Variants in TEAD1 observed in about 807,000 individuals in gnomAD.
TEAD1 encodes the protein TEA domain transcription factor 1.
TEAD1 carries 9 observed loss-of-function variants against 54.9 expected under a neutral mutation model. That is an observed-to-expected ratio of 0.16 (90% CI 0.10 to 0.29). The LOEUF (loss-of-function observed/expected upper bound fraction) is 0.29, where lower values mean the gene tolerates loss of function less well. Among genes scored for constraint, TEAD1 ranks in the 10% least tolerant of loss-of-function variants. The probability of loss-of-function intolerance (pLI) is 1.00; values close to 1 mark genes in which losing one functional copy is unlikely to be tolerated. For synonymous variants in TEAD1, 200 were observed against 187.8 expected (o/e 1.07, Z -0.53); for missense variants, 387 against 535.9 (o/e 0.72, Z 2.74).
At chr11:12,701,751 GA>G (rs1182354313) in intron 2 of TEAD1, among the ~76,000 whole-genome samples, 1 of 152,176 alleles carries the variant, frequency 6.6e-6, no homozygotes, top group Non-Finnish European at 1.5e-5. Context: ...GGGCTCACCA[GA>G]TAAGAGACTT....
At chr11:12,838,373 A>G (rs1026417017) in intron 3 of TEAD1, among the ~76,000 whole-genome samples, 3 of 152,212 alleles carry the variant, frequency 2.0e-5, no homozygotes, top group East Asian at 1.9e-4. Context: ...GAGAAAACCA[A>G]CCTTTACTTT....
At chr11:12,706,385 G>A (rs1943815340) in intron 2 of TEAD1, among the ~76,000 whole-genome samples, 1 of 152,110 alleles carries the variant, frequency 6.6e-6, no homozygotes, top group Non-Finnish European at 1.5e-5. Context: ...GGTTAAATAG[G>A]TACCATTTGC....
chr11:12,822,225 G>A (rs1286392424), intron 3 of TEAD1, among the ~76,000 whole-genome samples: 1 of 152,184 alleles, frequency 6.6e-6, no homozygotes, highest in African/African-American at 2.4e-5. Context: ...GCCTCCCGAA[G>A]TGTTGGGATT....
intron 10 of TEAD1, among the ~76,000 whole-genome samples, chr11:12,906,153 T>A (rs1948514593): frequency 6.6e-6 from 1 of 152,096 alleles, no homozygotes; most frequent in African/African-American, 2.4e-5. Context: ...GTGGGACCCC[T>A]TAAAGCCCGT....
intron 2 of TEAD1, among the ~76,000 whole-genome samples, chr11:12,697,781 G>C (rs894361431): frequency 6.6e-6 from 1 of 152,200 alleles, no homozygotes; most frequent in Admixed American, 6.5e-5. Context: ...CCCAGCACTT[G>C]GGAGGCCGAG....
At position 12,935,207 on chromosome 11, in the gene TEAD1, G is replaced by A. The variant is rs182339749; in HGVS notation, c.1168-1902G>A. Among the ~76,000 whole-genome samples, 7 of 152,258 alleles carry A rather than the reference G, an allele frequency of 4.6e-5. 1 individual carries two copies. The highest frequency in any genetic ancestry group is 6.5e-5 in the Admixed American group (1 of 15,300). On this transcript the variant is annotated intron_variant, in intron 12 of 12. Transcript: ENST00000527636. ...CAGGGGAATTTGACCTAGTTCAGGCGGAAGCTGAGGAAGGCTTCCTGAGGA... is the reference window on the plus strand; with the variant it reads ...CAGGGGAATTTGACCTAGTTCAGGCAGAAGCTGAGGAAGGCTTCCTGAGGA...
intron 3 of TEAD1, among the ~76,000 whole-genome samples, chr11:12,799,490 CAGA>C (rs2133973562): frequency 6.6e-6 from 1 of 152,230 alleles, no homozygotes; most frequent in Admixed American, 6.5e-5. Flanking sequence ...CTGAAATTGG[CAGA>C]AGATGAGTGT....
chr11:12,675,083 G>T (rs1943049107), intron 1 of TEAD1, among the ~76,000 whole-genome samples: 1 of 146,300 alleles, frequency 6.8e-6, no homozygotes, highest in Non-Finnish European at 1.5e-5. Context: ...GGGAGCCCGC[G>T]CGGCAACAGG....
rs1020225539 is a variant in TEAD1, at chr11:12,696,831, G to A, written c.-55+21270G>A. Reference sequence around the variant, plus strand: ...CCATGCAGGGCTGCTCCCCTCAGCAGATAGAGCTGTCCTGGACCCTGTGCT... The same window carrying A: ...CCATGCAGGGCTGCTCCCCTCAGCAAATAGAGCTGTCCTGGACCCTGTGCT... On this transcript the variant is annotated intron_variant, in intron 2 of 12. Coordinates refer to ENST00000527636, the MANE Select transcript of TEAD1 (RefSeq NM_021961.6). Among the ~76,000 whole-genome samples, 4 of 152,040 alleles carry A rather than the reference G, an allele frequency of 2.6e-5. No homozygotes were observed. The East Asian group carries it at 7.7e-4, about 29-fold the overall frequency.
chr11:12,865,004 T>G (rs1027760472), intron 5 of TEAD1, 104 bp downstream of exon 5: 1 of 1,284,236 alleles, frequency 7.8e-7, no homozygotes, highest in Non-Finnish European at 1.1e-6. Flanking sequence ...GTAACCTAGT[T>G]TCCTTGCATG....
At chr11:12,906,489 C>T (rs1948522944) in intron 10 of TEAD1, among the ~76,000 whole-genome samples, 1 of 147,846 alleles carries the variant, frequency 6.8e-6, no homozygotes, top group South Asian at 2.1e-4. Flanking sequence ...TGCAGTGAGC[C>T]AAAGATCACG....
chr11:12,802,904 A>C (rs1040148141), intron 3 of TEAD1, among the ~76,000 whole-genome samples: 3 of 152,110 alleles, frequency 2.0e-5, no homozygotes, highest in African/African-American at 4.8e-5. Flanking sequence ...TTAGCTTATC[A>C]CACTGTTTAC....
chr11:12,814,651 C>G (rs566391519), intron 3 of TEAD1, among the ~76,000 whole-genome samples: 1 of 152,126 alleles, frequency 6.6e-6, no homozygotes, highest in Non-Finnish European at 1.5e-5. Context: ...CGCATGTCAT[C>G]TCATTTAATC....
chr11:12,897,970 G>A (rs1948345009), intron 9 of TEAD1, among the ~76,000 whole-genome samples: 1 of 152,152 alleles, frequency 6.6e-6, no homozygotes, highest in Non-Finnish European at 1.5e-5. Flanking sequence ...GACTATTCCT[G>A]GATGTGTGAC....
chr11:12,819,517 T>C (rs992517410), intron 3 of TEAD1, among the ~76,000 whole-genome samples: 8 of 152,110 alleles, frequency 5.3e-5, no homozygotes, highest in African/African-American at 1.9e-4. Flanking sequence ...TGGCGCGATC[T>C]CGGCTCACTG....
intron 10 of TEAD1, among the ~76,000 whole-genome samples, chr11:12,904,508 A>G (rs928365753): frequency 1.3e-5 from 2 of 152,208 alleles, no homozygotes; most frequent in African/African-American, 4.8e-5. Flanking sequence ...CAGACTCCAT[A>G]TTCCAGCCTA....
intron 9 of TEAD1, 150 bp downstream of exon 9, chr11:12,883,275 G>T: frequency 7.7e-7 from 1 of 1,301,680 alleles, no homozygotes; most frequent in Non-Finnish European, 1.1e-6. Context: ...ATAGCCTTTT[G>T]ATTAAGTAAA....
At chr11:12,844,295 C>A (rs1333238981) in intron 3 of TEAD1, among the ~76,000 whole-genome samples, 2 of 152,134 alleles carry the variant, frequency 1.3e-5, no homozygotes, top group Admixed American at 6.5e-5. Context: ...TCTTTTTCCT[C>A]TTAAGAACTA....
chr11:12,907,941 A>C (rs1209144918), intron 10 of TEAD1, among the ~76,000 whole-genome samples: 3 of 152,242 alleles, frequency 2.0e-5, no homozygotes, highest in Non-Finnish European at 2.9e-5. Context: ...GTGATTGCTG[A>C]AGGATAGCAG....
Sources: allele counts gnomAD v4.1 joint callset (sites outside exome capture counted in the v4.1 genomes callset), GRCh38; gene constraint gnomAD v4.1.1; transcripts MANE v1.5; gene names NCBI Gene and HGNC (gene_info 2026-07-23, HGNC 2026-07-21).